Variants in LYPLAL1 observed in about 807,000 individuals in gnomAD.
LYPLAL1 encodes the protein lysophospholipase like 1.
In LYPLAL1, 23 loss-of-function variants were observed where a neutral mutation model predicts 19.7. The observed-to-expected ratio is 1.17, with a 90% CI of 0.84 to 1.65. The LOEUF (loss-of-function observed/expected upper bound fraction) is 1.65, where lower values mean the gene tolerates loss of function less well. Among genes scored for constraint, LYPLAL1 ranks in the 40% most tolerant of loss-of-function variants. The probability of loss-of-function intolerance (pLI) is 0.00; values close to 1 mark genes in which losing one functional copy is unlikely to be tolerated. For synonymous variants in LYPLAL1, 119 were observed against 96.3 expected (o/e 1.24, Z -1.38); for missense variants, 355 against 279.4 (o/e 1.27, Z -1.93).
the LYPLAL1 span, among the ~76,000 whole-genome samples, chr1:219,346,069 G>A: frequency 1.7e-4 from 26 of 152,290 alleles, no homozygotes; most frequent in African/African-American, 5.5e-4. Flanking sequence ...AACACCAGGG[G>A]TTTGGTCTAG....
the LYPLAL1 span, among the ~76,000 whole-genome samples, chr1:219,326,262 C>T: frequency 2.6e-5 from 3 of 116,966 alleles, no homozygotes; most frequent in African/African-American, 1.0e-4. Flanking sequence ...CCTGAAATTT[C>T]CATTTTGTTA....
chr1:219,369,074 A>G, the LYPLAL1 span, among the ~76,000 whole-genome samples: 1 of 152,252 alleles, frequency 6.6e-6, no homozygotes, highest in Non-Finnish European at 1.5e-5. Flanking sequence ...ATGGGATGAT[A>G]TCTTTTAAAT....
chr1:219,309,484 C>T, the LYPLAL1 span, among the ~76,000 whole-genome samples: 6 of 152,170 alleles, frequency 3.9e-5, no homozygotes, highest in African/African-American at 1.4e-4. Context: ...GTCTCTGTGT[C>T]CCCACCCATA....
At chr1:219,371,109 A>G in the LYPLAL1 span, among the ~76,000 whole-genome samples, 33 of 152,198 alleles carry the variant, frequency 2.2e-4, no homozygotes, top group Non-Finnish European at 3.8e-4. Context: ...CAAAACACCT[A>G]GAATCATTAT....
the LYPLAL1 span, among the ~76,000 whole-genome samples, chr1:219,339,339 G>T: frequency 1.3e-5 from 2 of 151,996 alleles, no homozygotes; most frequent in African/African-American, 4.8e-5. Context: ...CAATGCAGAT[G>T]AGTGTAACTA....
At chr1:219,256,659 T>G in the LYPLAL1 span, among the ~76,000 whole-genome samples, 3 of 152,024 alleles carry the variant, frequency 2.0e-5, no homozygotes, top group African/African-American at 7.2e-5. Context: ...CTGATTTGTT[T>G]AGACGGATAT....
At chr1:219,241,013 A>G in the LYPLAL1 span, among the ~76,000 whole-genome samples, 1 of 150,428 alleles carries the variant, frequency 6.6e-6, no homozygotes, top group Non-Finnish European at 1.5e-5. Flanking sequence ...GTGAACTATG[A>G]TCATGCCACT....
At chr1:219,271,187 G>C in the LYPLAL1 span, 1 of 152,234 alleles carries the variant, frequency 6.6e-6, no homozygotes, top group Non-Finnish European at 1.5e-5. Flanking sequence ...CAGGTGATCT[G>C]CCTGCCTCGG....
chr1:219,403,392 C>A, the LYPLAL1 span, among the ~76,000 whole-genome samples: 4 of 152,094 alleles, frequency 2.6e-5, no homozygotes, highest in African/African-American at 9.7e-5. Context: ...GGGGGCTGAC[C>A]AAAGAAGGTA....
the LYPLAL1 span, among the ~76,000 whole-genome samples, chr1:219,405,009 T>G: frequency 6.6e-6 from 1 of 152,198 alleles, no homozygotes; most frequent in Admixed American, 6.5e-5. Flanking sequence ...AGATAGTAAC[T>G]TTCACCTTTT....
At chr1:219,283,740 C>T in the LYPLAL1 span, among the ~76,000 whole-genome samples, 4 of 152,138 alleles carry the variant, frequency 2.6e-5, no homozygotes, top group African/African-American at 4.8e-5. Context: ...GCATTCCTGC[C>T]ATTTTTAACT....
chr1:219,282,599 G>T, the LYPLAL1 span, among the ~76,000 whole-genome samples: 1 of 151,804 alleles, frequency 6.6e-6, no homozygotes, highest in African/African-American at 2.4e-5. Flanking sequence ...AGGGGAGGGG[G>T]ATAACACAGT....
chr1:219,339,682 TCTTTGGAAGACTGTTTAGAAAAC>T, the LYPLAL1 span, among the ~76,000 whole-genome samples: 1 of 152,014 alleles, frequency 6.6e-6, no homozygotes, highest in Non-Finnish European at 1.5e-5. Context: ...AGCTTAGAGG[TCTTTGGAAGACTGTTTAGAAAAC>T]CTTTGGGCAA....
the LYPLAL1 span, among the ~76,000 whole-genome samples, chr1:219,336,317 C>G: frequency 1.3e-5 from 2 of 151,782 alleles, no homozygotes; most frequent in Admixed American, 6.6e-5. Context: ...ACTGTTACTA[C>G]TTACTTGTCA....
chr1:219,383,319 A>T, the LYPLAL1 span, among the ~76,000 whole-genome samples: 591 of 152,366 alleles, frequency 3.9e-3, 2 homozygotes, highest in Middle Eastern at 0.01. Context: ...TTGAGTTGAT[A>T]TTTCAAAGCT....
chr1:219,222,221 CTA>C, the LYPLAL1 span: 2 of 152,144 alleles, frequency 1.3e-5, no homozygotes, highest in East Asian at 1.9e-4. Flanking sequence ...GAGAGTGACA[CTA>C]TGCAGTAAGC....
downstream of LYPLAL1, among the ~76,000 whole-genome samples, chr1:219,216,768 C>T (rs1659304032): frequency 1.3e-5 from 2 of 152,092 alleles, no homozygotes; most frequent in African/African-American, 4.8e-5. Flanking sequence ...ACTCCCAGCT[C>T]AGTATCCTCA....
intron 3 of LYPLAL1, among the ~76,000 whole-genome samples, chr1:219,200,841 C>T (rs1658040195): frequency 6.6e-6 from 1 of 152,208 alleles, no homozygotes; most frequent in African/African-American, 2.4e-5. Context: ...GTCCTGAGGA[C>T]AGGAGCTTCT....
chr1:219,222,025 A>G, the LYPLAL1 span, among the ~76,000 whole-genome samples: 2 of 152,088 alleles, frequency 1.3e-5, no homozygotes, highest in Non-Finnish European at 2.9e-5. Context: ...CTCACGTGCT[A>G]GAATCCAACA....
Sources: gnomAD v4.1 joint callset for allele counts (sites outside exome capture counted in the v4.1 genomes callset) on GRCh38, gnomAD v4.1.1 for gene constraint, MANE v1.5 for transcripts, NCBI Gene and HGNC (gene_info 2026-07-23, HGNC 2026-07-21) for gene names.